ANKRD27: variants seen among roughly 807,000 people sequenced by gnomAD.
The protein encoded by ANKRD27 is ankyrin repeat domain 27, also known as ankyrin repeat domain-containing protein 27.
In ANKRD27, 112 loss-of-function variants were observed where a neutral mutation model predicts 129.7. The observed-to-expected ratio is 0.86, with a 90% confidence interval of 0.74 to 1.01. The LOEUF is 1.01. Ranked by LOEUF, ANKRD27 falls within the 50% of genes least tolerant of loss-of-function variation. ANKRD27 has a pLI of 0.00. For missense variants in ANKRD27, 1,258 were observed against 1,300.5 expected (o/e 0.97, Z 0.50); for synonymous variants, 516 against 511.2 (o/e 1.01, Z -0.13).
At chr19:32,640,517 T>C (rs28542503) in intron 10 of ANKRD27, 132 bp from the exon 11 acceptor site, 33,186 of 728,808 alleles carry the variant, frequency 0.046, 5,511 homozygotes, top group African/African-American at 0.42. Flanking sequence ...AGAAATGTCA[T>C]TGCACAAGCT....
chr19:32,666,584 A>G (rs1943705613), intron 1 of ANKRD27, among the ~76,000 whole-genome samples: 1 of 151,660 alleles, frequency 6.6e-6, no homozygotes, highest in African/African-American at 2.4e-5. Flanking sequence ...CTCTGAGCCA[A>G]TGAGCTCTCA....
rs1358616490 is a variant in ANKRD27, at chr19:32,656,091, GAAAGAAAGAAAGAAAGA to G, written c.102+2806_102+2822del. 1.8e-3 allele frequency among the ~76,000 whole-genome samples: 211 copies of G among 117,638 alleles called. 2 individuals carry two copies. Among genetic ancestry groups the G allele is most frequent in the African/African-American group, 8.7e-3 (204 of 23,458 alleles). The allele number at this position is 117,638 out of a possible 152,430, so 77.2% of individuals were successfully genotyped here. On this transcript the variant is annotated intron_variant, in intron 2 of 28. Transcript: ENST00000306065. The stretch of plus-strand genomic sequence containing the variant: ...AGAAAGAAAGAAAGAAAGAAAGAAA[GAAAGAAAGAAAGAAAGA>G]AAAGAAAAGAAAAGAAAAGAAAAGA...
rs1337782511 is a variant in ANKRD27, at chr19:32,639,398, G to A, written c.1074C>T (p.Ala358=). Residue 358 remains alanine (A), a synonymous_variant, in exon 12 of 29, where the codon GCC becomes GCT. Coordinates refer to ENST00000306065, the MANE Select transcript of ANKRD27 (RefSeq NM_032139.3). ...GGCTTCCTTGCCGAATATATTCAAT[G>A]GCAGCTTCGAATGAGGTCAGGCAGT... is the stretch of plus-strand genomic sequence containing the variant. The part of the protein sequence containing the change: ...LGYCLTSFEA[A]IEYIRQGSLS... 3.1e-6 allele frequency: 5 copies of A among 1,614,102 alleles called. No homozygotes were observed. The African/African-American group carries it at 5.3e-5, about 17-fold the overall frequency.
chr19:32,620,282 G>A (rs913686917), intron 18 of ANKRD27, among the ~76,000 whole-genome samples: 8 of 151,986 alleles, frequency 5.3e-5, no homozygotes, highest in African/African-American at 1.7e-4. Flanking sequence ...AGGGAAGCCG[G>A]GCGAGATGAC....
intron 23 of ANKRD27, 85 bp downstream of exon 23, chr19:32,607,549 CA>C: frequency 1.3e-6 from 2 of 1,492,498 alleles, no homozygotes; most frequent in Non-Finnish European, 9.1e-7. Flanking sequence ...GGGTAGCCAC[CA>C]AACCCCTGCA....
Position 32,646,603 on chromosome 19 carries a change from G to A in ANKRD27, c.226C>T (p.Gln76Ter). Residue 76 changes from glutamine to a stop codon, truncating the protein, a stop_gained, in exon 4 of 29, where the codon CAA (glutamine) becomes TAA (stop). Coordinates refer to ENST00000306065, the MANE Select transcript of ANKRD27 (RefSeq NM_032139.3). LOFTEE classifies it high-confidence loss of function. Reference protein sequence around the residue: ...QTLNGKDVFIQGNRIKLGAGF... With the variant: ...QTLNGKDVFI ...GCTCCTAATTTAATCCTGTTCCCTTGAATAAAGACATCCTGGAAACAAGAA... is the reference window on the plus strand; with the variant it reads ...GCTCCTAATTTAATCCTGTTCCCTTAAATAAAGACATCCTGGAAACAAGAA... 1 of 1,612,252 alleles carries A rather than the reference G, an allele frequency of 6.2e-7. No homozygotes were observed. Among genetic ancestry groups the A allele is most frequent in the African/African-American group, 1.3e-5 (1 of 74,830 alleles).
At chr19:32,619,780 C>T (rs531030577) in intron 18 of ANKRD27, among the ~76,000 whole-genome samples, 76 of 152,282 alleles carry the variant, frequency 5.0e-4, no homozygotes, top group African/African-American at 1.7e-3. Context: ...CCTCCCTTCA[C>T]GGCTCCTCCT....
rs777034289 is a variant in ANKRD27 at position 32,600,033 on chromosome 19, C to G, written c.2785G>C (p.Asp929His). The G allele has an allele frequency of 4.3e-6, 7 of 1,612,466 alleles. No homozygotes were observed. The highest frequency in any genetic ancestry group is 1.3e-5 in the African/African-American group (1 of 74,890). The change falls in exon 27 of 29, where the codon GAT (aspartate) becomes CAT (histidine). Residue 929 changes from aspartate to histidine, a missense_variant. By Grantham distance (81) the Asp-to-His change is moderately conservative. Coordinates refer to ENST00000306065, the MANE Select transcript of ANKRD27 (RefSeq NM_032139.3). ...CTTGTAAAAGGCTCATCTGGTAGAT[C>G]ATACAGTTTTGAGTTCCCTGTAGAT... ...IRKKWNSKLY[D>H]LPDEPFTRQF...
chr19:32,644,306 G>GGAC lies in ANKRD27; in HGVS notation c.525+16_525+18dup, dbSNP rs1322671123. 4 of 1,607,460 alleles carry GGAC rather than the reference G, an allele frequency of 2.5e-6. No homozygotes were observed. Among genetic ancestry groups the GGAC allele is most frequent in the Non-Finnish European group, 3.4e-6 (4 of 1,175,782 alleles). ...ACCGAGACAGGGCACGCCAGGCAGA[G>GGAC]GACAGCACGGCTACTGACTATGTGG... On this transcript the variant is annotated intron_variant, in intron 5 of 28. Transcript: ENST00000306065.
rs374224310 is a variant in ANKRD27 at position 32,631,757 on chromosome 19, T to C, written c.1117-263A>G. Among the ~76,000 whole-genome samples the C allele has an allele frequency of 1.6e-4, 24 of 152,304 alleles. 1 individual carries two copies. In the East Asian group the frequency reaches 4.2e-3, roughly 27 times the overall value. ...CCTGACTGCGTGTATATGTGGAATGTGCCATCTCCAGCGTGGAATGCGGCG... is the reference window on the plus strand; with the variant it reads ...CCTGACTGCGTGTATATGTGGAATGCGCCATCTCCAGCGTGGAATGCGGCG... On this transcript the variant is annotated intron_variant, in intron 12 of 28. Transcript: ENST00000306065.
intron 9 of ANKRD27, 48 bp from the exon 10 acceptor site, chr19:32,642,193 C>T (rs374961754): frequency 2.0e-6 from 3 of 1,506,982 alleles, no homozygotes; most frequent in East Asian, 4.7e-5. Flanking sequence ...AGTAAGAGAA[C>T]CCTCTGGCCT....
intron 4 of ANKRD27, among the ~76,000 whole-genome samples, chr19:32,645,481 C>T (rs1315051400): frequency 6.6e-6 from 1 of 151,842 alleles, no homozygotes; most frequent in Non-Finnish European, 1.5e-5. Context: ...TTCTGTAGCC[C>T]ATGCTAGAGT....
chr19:32,668,629 T>A (rs1429328934), intron 1 of ANKRD27, among the ~76,000 whole-genome samples: 6 of 151,686 alleles, frequency 4.0e-5, no homozygotes, highest in African/African-American at 1.5e-4. Context: ...TGAGCCACCA[T>A]GCCTAGCTAA....
At chr19:32,605,697 C>T in intron 24 of ANKRD27, 138 bp downstream of exon 24, 2 of 1,200,490 alleles carry the variant, frequency 1.7e-6, no homozygotes, top group Non-Finnish European at 2.4e-6. Flanking sequence ...AGACGCACGC[C>T]CTGCTCCTCT....
chr19:32,613,908 C>T (rs1971872115), intron 22 of ANKRD27, among the ~76,000 whole-genome samples: 1 of 152,036 alleles, frequency 6.6e-6, no homozygotes, highest in African/African-American at 2.4e-5. Flanking sequence ...CGGGGTTTCA[C>T]CATGTTAGCC....
rs570147832 is a variant in ANKRD27 at position 32,657,200 on chromosome 19, A to G, written c.102+1714T>C. ...AAAATTAGGCCAGGTGTGGTGGCTC[A>G]CACCTGTAATTCCAGCACGCTGGGG... On this transcript the variant is annotated intron_variant, in intron 2 of 28. Transcript: ENST00000306065. Among the ~76,000 whole-genome samples, 1,172 of 152,220 alleles carry G rather than the reference A, an allele frequency of 7.7e-3. 16 individuals carry two copies. The highest frequency in any genetic ancestry group is 7.5e-3 in the Non-Finnish European group (510 of 68,004).
chr19:32,605,940 C>T lies in ANKRD27; in HGVS notation c.2388G>A (p.Leu796=). 6.2e-7 allele frequency: 1 copy of T among 1,613,912 alleles called. No individual in the cohort carries two copies. The highest frequency in any genetic ancestry group is 8.5e-7 in the Non-Finnish European group (1 of 1,179,918). The part of the protein sequence containing the change: ...QQGHFQVVKC[L]LDSNAKPNKK... ...TATTGGGTTTTGCATTCGAATCTAA[C>T]AGACACTTCACCACCTGGGCCAGAG... The change falls in exon 24 of 29, where the codon CTG becomes CTA. Residue 796 remains leucine (L), a synonymous_variant. Coordinates refer to ENST00000306065, the MANE Select transcript of ANKRD27 (RefSeq NM_032139.3).
chr19:32,635,605 C>T (rs1967074734), intron 12 of ANKRD27, among the ~76,000 whole-genome samples: 1 of 152,002 alleles, frequency 6.6e-6, no homozygotes, highest in Admixed American at 6.6e-5. Flanking sequence ...GCACCCAGCC[C>T]ACATACATAC....
intron 12 of ANKRD27, chr19:32,638,381 C>G (rs1172487515): frequency 6.6e-6 from 1 of 152,290 alleles, no homozygotes; most frequent in Non-Finnish European, 1.5e-5. Context: ...CTCCTGAGAG[C>G]TATTCTGCCG....
Sources: gnomAD v4.1 joint callset for allele counts (sites outside exome capture counted in the v4.1 genomes callset) on GRCh38, gnomAD v4.1.1 for gene constraint, MANE v1.5 for transcripts, NCBI Gene and HGNC (gene_info 2026-07-23, HGNC 2026-07-21) for gene names.